PLXNA1: variants seen among roughly 807,000 people sequenced by gnomAD.
The protein encoded by PLXNA1 is plexin A1, also known as plexin-A1.
In PLXNA1, 77 loss-of-function variants were observed where a neutral mutation model predicts 191.7. The observed-to-expected ratio is 0.40, with a 90% CI of 0.33 to 0.49. PLXNA1 has a LOEUF of 0.49. PLXNA1 is among the 20% of genes least tolerant of loss of function. PLXNA1 has a pLI of 0.63. For synonymous variants in PLXNA1, 1,137 were observed against 1,156.4 expected (o/e 0.98, Z 0.34); for missense variants, 2,110 against 2,660.2 (o/e 0.79, Z 4.55).
Position 126,984,865 on chromosome 3 carries a change from C to T in PLXNA1, c.-74+1578C>T, listed in dbSNP as rs905417266. ...AGCTGGCCGGGAGGAGCGGGTGCCCCAGGGGAAGGCCTGCAAAGGTAGGCA... is the reference window on the plus strand; with the variant it reads ...AGCTGGCCGGGAGGAGCGGGTGCCCTAGGGGAAGGCCTGCAAAGGTAGGCA... On this transcript the variant is annotated intron_variant, in intron 1 of 31. Transcript: ENST00000393409. 4.6e-5 allele frequency among the ~76,000 whole-genome samples: 7 copies of T among 152,330 alleles called. No individual in the cohort carries two copies. In the South Asian group the frequency reaches 1.4e-3, roughly 32 times the overall value.
In PLXNA1 at chr3:126,983,273, G is replaced by C. The variant is rs1407731607; in HGVS notation, c.-88G>C. Among the ~76,000 whole-genome samples, 1 of 143,756 alleles carries C rather than the reference G, an allele frequency of 7.0e-6. No homozygotes were observed. The highest frequency in any genetic ancestry group is 1.5e-5 in the Non-Finnish European group (1 of 64,900). 94.3% of individuals were successfully genotyped at this position (143,756 alleles called of 152,430 possible). ...GCGGCGATGGCCGGCGGCGGGGCGCGCCCCGGGGCGGCGGGTGAGTCGGGG... is the reference window on the plus strand; with the variant it reads ...GCGGCGATGGCCGGCGGCGGGGCGCCCCCCGGGGCGGCGGGTGAGTCGGGG... On this transcript the variant is annotated 5_prime_UTR_variant, in exon 1 of 32. Coordinates refer to ENST00000393409, the MANE Select transcript of PLXNA1 (RefSeq NM_032242.4).
intron 3 of PLXNA1, among the ~76,000 whole-genome samples, chr3:126,994,117 G>GT (rs2079004077): frequency 6.6e-6 from 1 of 152,162 alleles, no homozygotes; most frequent in Non-Finnish European, 1.5e-5. Context: ...CCTGTCATCT[G>GT]TTTGACAGGT....
chr3:127,030,743 C>T (rs2079205802), intron 29 of PLXNA1, among the ~76,000 whole-genome samples: 1 of 152,190 alleles, frequency 6.6e-6, no homozygotes, highest in South Asian at 2.1e-4. Context: ...TGGACCAGCC[C>T]CAAGCCGGCT....
chr3:127,020,824 G>A (rs908891380), intron 21 of PLXNA1, among the ~76,000 whole-genome samples: 2 of 152,240 alleles, frequency 1.3e-5, no homozygotes, highest in African/African-American at 4.8e-5. Flanking sequence ...GCTGGGAGGT[G>A]CGGGTGCCTG....
chr3:126,992,721 G>A (rs2078996946), intron 3 of PLXNA1, among the ~76,000 whole-genome samples: 1 of 152,070 alleles, frequency 6.6e-6, no homozygotes, highest in Non-Finnish European at 1.5e-5. Flanking sequence ...GGTCCTGCTG[G>A]TTCTGCTCAT....
intron 3 of PLXNA1, among the ~76,000 whole-genome samples, chr3:126,996,095 G>C (rs1299093723): frequency 1.3e-5 from 2 of 152,202 alleles, no homozygotes; most frequent in African/African-American, 4.8e-5. Context: ...GTTCCCAGTG[G>C]TGGAACCTGC....
rs768630722 is a variant in PLXNA1, at chr3:127,028,325, G to A, written c.4654G>A (p.Ala1552Thr). 34 of 1,611,370 alleles carry A rather than the reference G, an allele frequency of 2.1e-5. No homozygotes were observed. The highest frequency in any genetic ancestry group is 1.7e-4 in the Admixed American group (10 of 59,864). The change falls in exon 25 of 32, where the codon GCG (alanine) becomes ACG (threonine). Residue 1552 changes from alanine to threonine, a missense_variant. Physicochemically the swap from Ala to Thr is moderately conservative, Grantham distance 58. Transcript: ENST00000393409. ...GCCCTACTCCCAGCGGCCCAAGGCC[G>A]CGGACATGGACCTGGGTGAGCGGGC... ...GVPYSQRPKA[A>T]DMDLEWRQGR... is the part of the protein sequence containing the mutation.
At chr3:127,009,145 C>T (rs774329871) in intron 9 of PLXNA1, among the ~76,000 whole-genome samples, 27 of 152,108 alleles carry the variant, frequency 1.8e-4, no homozygotes, top group African/African-American at 4.6e-4. Context: ...GTGGCTTTGG[C>T]GCTGTGCGCA....
At chr3:127,007,766 C>A in intron 8 of PLXNA1, 33 bp from the exon 9 acceptor site, 1 of 1,468,172 alleles carries the variant, frequency 6.8e-7, no homozygotes, top group South Asian at 1.2e-5. Flanking sequence ...GGTTGCGGGT[C>A]CCCAGGCTTC....
chr3:127,016,150 G>A (rs1239581150), intron 15 of PLXNA1, among the ~76,000 whole-genome samples: 1 of 152,028 alleles, frequency 6.6e-6, no homozygotes, highest in African/African-American at 2.4e-5. Context: ...GGCGTGCGTG[G>A]GACGGGCCTG....
intron 3 of PLXNA1, among the ~76,000 whole-genome samples, chr3:127,001,560 CG>C (rs146158035): frequency 0.026 from 4,010 of 152,286 alleles, 82 homozygotes; most frequent in Middle Eastern, 0.041. Context: ...TGAGAGGAAT[CG>C]TGGTCCCTAA....
chr3:127,033,207 T>C (rs1259065547), intron 31 of PLXNA1, among the ~76,000 whole-genome samples: 3 of 152,216 alleles, frequency 2.0e-5, no homozygotes, highest in Non-Finnish European at 4.4e-5. Context: ...TGGCAGAGCT[T>C]TCCTTTCAGT....
chr3:127,007,412 C>T (rs1164260550), intron 8 of PLXNA1, among the ~76,000 whole-genome samples: 3 of 152,192 alleles, frequency 2.0e-5, no homozygotes, highest in African/African-American at 7.2e-5. Context: ...TCTAAGTTTG[C>T]CAAAAGGAGT....
Position 127,004,886 on chromosome 3 carries a change from T to C in PLXNA1, c.1621T>C (p.Cys541Arg), listed in dbSNP as rs1198517792. ...HCGWCVLHSI[C>R]SRRDACERAD... Reference sequence around the variant, plus strand: ...CAGCCTCAACCCCTCTGCCTGCAGCTGCTCGCGGCGGGACGCCTGTGAGCG... The same window carrying C: ...CAGCCTCAACCCCTCTGCCTGCAGCCGCTCGCGGCGGGACGCCTGTGAGCG... The change falls in exon 6 of 32, where the codon TGC (cysteine) becomes CGC (arginine). Residue 541 changes from cysteine to arginine, a missense_variant and splice_region_variant. Cys to Arg is a radical substitution (Grantham distance 180). Transcript: ENST00000393409. 6.3e-7 allele frequency: 1 copy of C among 1,589,808 alleles called. No homozygotes were observed. The highest frequency in any genetic ancestry group is 8.6e-7 in the Non-Finnish European group (1 of 1,165,876).
rs1278739428 is a variant in PLXNA1, at chr3:127,005,081, C to T, written c.1744-9C>T. On this transcript the variant is annotated splice_polypyrimidine_tract_variant and intron_variant, in intron 6 of 31. Transcript: ENST00000393409. ...ACCCTGCTCACCATGCCTCCTGCTGCCTGCCCAGCTTGTGCTGCAGGCCTG... is the reference window on the plus strand; with the variant it reads ...ACCCTGCTCACCATGCCTCCTGCTGTCTGCCCAGCTTGTGCTGCAGGCCTG... The T allele has an allele frequency of 1.2e-6, 2 of 1,612,260 alleles. No homozygotes were observed. Among genetic ancestry groups the T allele is most frequent in the Non-Finnish European group, 1.7e-6 (2 of 1,179,602 alleles).
rs1559966489 is a variant in PLXNA1 at position 127,029,061 on chromosome 3, G to A, written c.4738G>A (p.Asp1580Asn). 6.8e-6 allele frequency: 11 copies of A among 1,613,800 alleles called. No homozygotes were observed. Among genetic ancestry groups the A allele is most frequent in the Non-Finnish European group, 8.5e-6 (10 of 1,179,922 alleles). The change falls in exon 26 of 32, where the codon GAT (aspartate) becomes AAT (asparagine). Residue 1580 changes from aspartate (D) to asparagine (N), a missense_variant. Asp to Asn is a conservative substitution (Grantham distance 23, BLOSUM62 1). Coordinates refer to ENST00000393409, the MANE Select transcript of PLXNA1 (RefSeq NM_032242.4). ...GGACGTCACCACCAAGATTGACAACGATTGGAAGAGGCTGAACACACTGGC... is the reference window on the plus strand; with the variant it reads ...GGACGTCACCACCAAGATTGACAACAATTGGAAGAGGCTGAACACACTGGC... ...DEDVTTKIDN[D>N]WKRLNTLAHY...
In PLXNA1 at chr3:127,022,835, G is replaced by A. The variant is rs2079158381; in HGVS notation, c.4362+17G>A. 2 of 1,608,676 alleles carry A rather than the reference G, an allele frequency of 1.2e-6. No individual in the cohort carries two copies. The highest frequency in any genetic ancestry group is 8.5e-7 in the Non-Finnish European group (1 of 1,175,204). On this transcript the variant is annotated intron_variant, in intron 23 of 31. Transcript: ENST00000393409. The stretch of plus-strand genomic sequence containing the variant: ...TTCCTCAAGGTAAGCAGAGGCGGGA[G>A]GAAGCAGGTGTCAGAGGCAGGTGAA...
rs2078976223 is a variant in PLXNA1, at chr3:126,989,124, A to G, written c.531A>G (p.Pro177=). 6.2e-7 allele frequency: 1 copy of G among 1,613,112 alleles called. No homozygotes were observed. The stretch of plus-strand genomic sequence containing the variant: ...TGGCGGGCGTGCTCATTGCCGGGCC[A>G]CCGGGCCAGGGCCAGGCCAAGCTCT... ...GSMAGVLIAG[P]PGQGQAKLFV... The change falls in exon 2 of 32, where the codon CCA becomes CCG. Residue 177 remains proline (P), a synonymous_variant. Transcript: ENST00000393409.
chr3:126,992,058 C>T (rs2078993561), intron 3 of PLXNA1, among the ~76,000 whole-genome samples: 1 of 152,336 alleles, frequency 6.6e-6, no homozygotes, highest in South Asian at 2.1e-4. Context: ...GTGCCCCTGC[C>T]TGTCTTTGGC....
Sources: allele counts gnomAD v4.1 joint callset (sites outside exome capture counted in the v4.1 genomes callset), GRCh38; gene constraint gnomAD v4.1.1; transcripts MANE v1.5; gene names NCBI Gene and HGNC (gene_info 2026-07-23, HGNC 2026-07-21).